AFF2: variants seen among roughly 807,000 people sequenced by gnomAD.
AFF2 encodes the protein ALF transcription elongation factor 2, also known as AF4/FMR2 family member 2.
A neutral mutation model predicts 76.9 loss-of-function variants in AFF2; 14 were observed. The ratio of observed to expected loss-of-function variants is 0.18; its 90% CI spans 0.12 to 0.28. The LOEUF (loss-of-function observed/expected upper bound fraction) is 0.28, where lower values mean the gene tolerates loss of function less well. Ranked by LOEUF, AFF2 falls within the 10% of genes least tolerant of loss-of-function variation. AFF2 has a pLI of 1.00. For synonymous variants in AFF2, 398 were observed against 366.7 expected (o/e 1.09, Z -0.98); for missense variants, 868 against 1,001.1 (o/e 0.87, Z 1.79).
intron 13 of AFF2, among the ~76,000 whole-genome samples, chrX:148,965,235 C>T (rs1381105803): frequency 9.0e-6 from 1 of 111,636 alleles, no homozygotes; most frequent in African/African-American, 3.3e-5. Flanking sequence ...CATTTTGAGG[C>T]TTTGAGGGAG....
chrX:148,898,938 G>A (rs1334893398), intron 8 of AFF2, among the ~76,000 whole-genome samples: 1 of 112,132 alleles, frequency 8.9e-6, no homozygotes, highest in Non-Finnish European at 1.9e-5. Context: ...AATGAATAAA[G>A]TTAAAATGTG....
At chrX:148,701,012 A>ATATGTGTG (rs2054788206) in intron 3 of AFF2, among the ~76,000 whole-genome samples, 1 of 73,743 alleles carries the variant, frequency 1.4e-5, no homozygotes, top group Non-Finnish European at 2.5e-5. Flanking sequence ...GAGAGAGAGA[A>ATATGTGTG]TGTGTGTGTG....
chrX:148,660,794 T>C (rs782241416), intron 2 of AFF2, among the ~76,000 whole-genome samples: 22 of 112,241 alleles, frequency 2.0e-4, no homozygotes, highest in Non-Finnish European at 3.9e-4. Flanking sequence ...AAAAGGTCCT[T>C]TGGCTTTCTG....
intron 1 of AFF2, among the ~76,000 whole-genome samples, chrX:148,591,182 C>T (rs1056635442): frequency 1.8e-4 from 20 of 112,084 alleles, no homozygotes; most frequent in Admixed American, 1.7e-3. Context: ...TAATATTGGA[C>T]CTAAATGCCA....
Position 148,834,376 on chromosome X carries a change from C to T in AFF2, c.1087-3271C>T, listed in dbSNP as rs782249769. 1.9e-3 allele frequency among the ~76,000 whole-genome samples: 213 copies of T among 111,065 alleles called. 1 individual carries two copies. Among genetic ancestry groups the T allele is most frequent in the South Asian group, 6.6e-3 (17 of 2,593 alleles). ...ATAAGTGACCTCACCTCTTGGAACC[C>T]CCATTACCTCAGTTGCCCGTTGGGA... On this transcript the variant is annotated intron_variant, in intron 4 of 20. Coordinates refer to ENST00000370460, the MANE Select transcript of AFF2 (RefSeq NM_002025.4).
chrX:148,804,829 A>G (rs1023909474), intron 3 of AFF2, among the ~76,000 whole-genome samples: 19 of 112,383 alleles, frequency 1.7e-4, no homozygotes, highest in Non-Finnish European at 3.2e-4. Flanking sequence ...AAACTAGAAT[A>G]GGGACGGTTA....
At chrX:148,701,011 AATGT>A (rs1277178123) in intron 3 of AFF2, among the ~76,000 whole-genome samples, 125 of 61,152 alleles carry the variant, frequency 2.0e-3, no homozygotes, top group African/African-American at 5.5e-3. Flanking sequence ...AGAGAGAGAG[AATGT>A]GTGTGTGTGT....
chrX:148,971,747 C>CTTTTTTTTTTTTTTTTTTTTATTT (rs2072257643), intron 15 of AFF2, among the ~76,000 whole-genome samples: 6 of 44,727 alleles, frequency 1.3e-4, no homozygotes, highest in African/African-American at 1.9e-4. Flanking sequence ...TTTTCTATTT[C>CTTTTTTTTTTTTTTTTTTTTATTT]TTTTTTTTTT....
chrX:148,592,350 GT>G (rs1290056698), intron 1 of AFF2, among the ~76,000 whole-genome samples: 2 of 110,960 alleles, frequency 1.8e-5, no homozygotes, highest in Non-Finnish European at 3.8e-5. Context: ...AGAAGGACTG[GT>G]TTTGGCCATT....
chrX:148,554,967 C>T (rs782553637), intron 1 of AFF2, among the ~76,000 whole-genome samples: 3 of 112,516 alleles, frequency 2.7e-5, no homozygotes, highest in Non-Finnish European at 5.6e-5. Flanking sequence ...ACAGAAGGGG[C>T]CCTGGCCTAG....
chrX:148,681,692 AG>A (rs2054552541), intron 3 of AFF2, among the ~76,000 whole-genome samples: 1 of 110,185 alleles, frequency 9.1e-6, no homozygotes, highest in Non-Finnish European at 1.9e-5. Flanking sequence ...AGAAAGAAAA[AG>A]AGAAAGAAAG....
chrX:148,903,073 G>A (rs1195591385), intron 8 of AFF2, among the ~76,000 whole-genome samples: 1 of 110,017 alleles, frequency 9.1e-6, no homozygotes, highest in Admixed American at 9.8e-5. Context: ...CTAATTTACA[G>A]CAGTATTCTC....
intron 9 of AFF2, among the ~76,000 whole-genome samples, chrX:148,941,617 A>T (rs1452312472): frequency 8.9e-6 from 1 of 112,112 alleles, no homozygotes; most frequent in Non-Finnish European, 1.9e-5. Context: ...TGTTGCTCTA[A>T]ATACCAATTA....
rs150519834 is a variant in AFF2, at chrX:148,902,198, G to A, written c.1360-2023G>A. 1.3e-3 allele frequency among the ~76,000 whole-genome samples: 146 copies of A among 111,558 alleles called. 1 individual carries two copies. The highest frequency in any genetic ancestry group is 4.4e-3 in the African/African-American group (134 of 30,760). ...GGGTATTTTCAAAAAACATGCCTCC[G>A]AATCAAAGGGAGGATAAGCAATGTC... On this transcript the variant is annotated intron_variant, in intron 8 of 20. Transcript: ENST00000370460.
chrX:148,724,270 C>T (rs2055129330), intron 3 of AFF2, among the ~76,000 whole-genome samples: 1 of 110,632 alleles, frequency 9.0e-6, no homozygotes, highest in Non-Finnish European at 1.9e-5. Context: ...ACTGGGTTCT[C>T]CTTGTGTTTA....
chrX:148,784,553 C>T (rs2069789023), intron 3 of AFF2, among the ~76,000 whole-genome samples: 1 of 111,386 alleles, frequency 9.0e-6, no homozygotes, highest in African/African-American at 3.3e-5. Context: ...TGAAGCGTTC[C>T]CCAGTACCTA....
intron 1 of AFF2, among the ~76,000 whole-genome samples, chrX:148,561,350 G>T (rs1033292040): frequency 1.8e-5 from 2 of 111,773 alleles, no homozygotes; most frequent in South Asian, 7.5e-4. Flanking sequence ...TAACCATCAG[G>T]CAGGGAGTCT....
At chrX:148,947,430 G>T in intron 9 of AFF2, among the ~76,000 whole-genome samples, 1 of 112,204 alleles carries the variant, frequency 8.9e-6, no homozygotes, top group Non-Finnish European at 1.9e-5. Context: ...CACATCCCTT[G>T]TTTCTTTTTT....
At chrX:148,892,674 G>C (rs1022337348) in intron 8 of AFF2, among the ~76,000 whole-genome samples, 1 of 111,926 alleles carries the variant, frequency 8.9e-6, no homozygotes, top group East Asian at 2.8e-4. Context: ...TAATGAAAAA[G>C]ATGCAATGAA....
Sources: allele counts gnomAD v4.1 joint callset (sites outside exome capture counted in the v4.1 genomes callset), GRCh38; gene constraint gnomAD v4.1.1; transcripts MANE v1.5; gene names NCBI Gene and HGNC (gene_info 2026-07-23, HGNC 2026-07-21).